Variants in EFHC2 observed in about 807,000 individuals in gnomAD.
EFHC2 encodes the protein EF-hand domain containing 2.
A neutral mutation model predicts 52.7 loss-of-function variants in EFHC2; 18 were observed. That is an observed-to-expected ratio of 0.34 (90% CI 0.24 to 0.51). The LOEUF (loss-of-function observed/expected upper bound fraction) is 0.51. Among genes scored for constraint, EFHC2 ranks in the 20% least tolerant of loss-of-function variants. The probability of loss-of-function intolerance (pLI) is 0.97; values close to 1 mark genes in which losing one functional copy is unlikely to be tolerated. For missense variants in EFHC2, 513 were observed against 562.5 expected, an observed-to-expected ratio of 0.91 and a Z score of 0.89; for synonymous variants, 203 against 204.1, an observed-to-expected ratio of 0.99 and a Z score of 0.04.
intron 1 of EFHC2, among the ~76,000 whole-genome samples, chrX:44,320,219 G>A (rs898867930): frequency 2.6e-4 from 29 of 112,164 alleles, no homozygotes; most frequent in African/African-American, 9.4e-4. Context: ...CTGTGATTAC[G>A]GGCATGAGCC....
Position 44,240,565 on chromosome X carries a change from G to A in EFHC2, c.1280+1556C>T, listed in dbSNP as rs181400309. Among the ~76,000 whole-genome samples the A allele has an allele frequency of 4.5e-5, 5 of 111,701 alleles. No individual in the cohort carries two copies. In the East Asian group the frequency reaches 1.1e-3, roughly 25 times the overall value. On this transcript the variant is annotated intron_variant, in intron 8 of 14. Coordinates refer to ENST00000420999, the MANE Select transcript of EFHC2 (RefSeq NM_025184.4). ...GACATTCTTCCTGCCCGCCTCCTTC[G>A]GGTGGCTGTCCTTAAAAACAGCAGT...
chrX:44,279,714 G>A (rs1317747320), intron 2 of EFHC2, among the ~76,000 whole-genome samples: 1 of 110,408 alleles, frequency 9.1e-6, no homozygotes, highest in Non-Finnish European at 1.9e-5. Flanking sequence ...AGTAAGCAGT[G>A]AAAAAAATTA....
At chrX:44,251,914 T>C (rs1304760939) in intron 4 of EFHC2, among the ~76,000 whole-genome samples, 1 of 111,011 alleles carries the variant, frequency 9.0e-6, no homozygotes, top group Non-Finnish European at 1.9e-5. Flanking sequence ...TTAAGATTTA[T>C]ATGTTTGACT....
At chrX:44,167,976 G>A (rs895228586) in intron 13 of EFHC2, among the ~76,000 whole-genome samples, 1 of 111,523 alleles carries the variant, frequency 9.0e-6, no homozygotes, top group Non-Finnish European at 1.9e-5. Flanking sequence ...CAATGACAAA[G>A]AGAATTGGAA....
rs2147334458 is a variant in EFHC2 at position 44,248,272 on chromosome X, C to T, written c.1111G>A (p.Glu371Lys). Residue 371 changes from glutamate (E) to lysine (K), a missense_variant and splice_region_variant, in exon 7 of 15, where the codon GAG becomes AAG. Physicochemically the swap from Glu to Lys is moderately conservative, Grantham distance 56 (BLOSUM62 1). Transcript: ENST00000420999. Reference protein sequence around the residue: ...KSYYKSKYGIENFTSVSCKPP... With the variant: ...KSYYKSKYGIKNFTSVSCKPP... ...TTTAATTGACATATGTATCACTTAC[C>T]AATTCCATATTTAGACTTATAATAA... 4.4e-6 allele frequency: 5 copies of T among 1,140,828 alleles called. No individual in the cohort carries two copies. The highest frequency in any genetic ancestry group is 4.1e-5 in the South Asian group (2 of 49,230). 94.0% of individuals were successfully genotyped at this position (1,140,828 alleles called of 1,213,427 possible).
chrX:44,244,135 C>T (rs1355810575), intron 7 of EFHC2, among the ~76,000 whole-genome samples: 2 of 112,092 alleles, frequency 1.8e-5, no homozygotes, highest in Non-Finnish European at 3.8e-5. Flanking sequence ...GTTTTCTCAA[C>T]CATATAATTT....
At chrX:44,227,712 A>C (rs1602163740) in intron 11 of EFHC2, among the ~76,000 whole-genome samples, 3 of 111,516 alleles carry the variant, frequency 2.7e-5, no homozygotes, top group South Asian at 7.6e-4. Flanking sequence ...AATAACTGCA[A>C]GTTGTGCTAA....
chrX:44,193,927 C>G (rs73196188), intron 11 of EFHC2, among the ~76,000 whole-genome samples: 7,392 of 111,144 alleles, frequency 0.067, 241 homozygotes, highest in Admixed American at 0.16. Flanking sequence ...AAGCTGGGAG[C>G]CTTGTGCCAA....
intron 2 of EFHC2, among the ~76,000 whole-genome samples, chrX:44,279,494 T>A (rs1233957782): frequency 1.8e-5 from 2 of 111,281 alleles, no homozygotes; most frequent in Admixed American, 1.9e-4. Context: ...ATAGATAAGA[T>A]TTTAGAAAGC....
chrX:44,226,432 T>C (rs1253172314), intron 11 of EFHC2, among the ~76,000 whole-genome samples: 1 of 111,611 alleles, frequency 9.0e-6, no homozygotes, highest in Admixed American at 9.5e-5. Context: ...ACACCTGGTC[T>C]GGACTCTTGG....
chrX:44,174,727 G>A (rs926205813), intron 13 of EFHC2, among the ~76,000 whole-genome samples: 2 of 109,718 alleles, frequency 1.8e-5, no homozygotes, highest in East Asian at 2.9e-4. Flanking sequence ...ACTGGGAACA[G>A]GAAGGGGAGT....
chrX:44,157,975 C>T (rs1253955712), intron 14 of EFHC2, among the ~76,000 whole-genome samples: 1 of 111,315 alleles, frequency 9.0e-6, no homozygotes, highest in Non-Finnish European at 1.9e-5. Flanking sequence ...TCACTATGCT[C>T]ACTGTTTTGG....
At chrX:44,177,904 C>T (rs761778065) in intron 12 of EFHC2, among the ~76,000 whole-genome samples, 161 of 109,289 alleles carry the variant, frequency 1.5e-3, no homozygotes, top group Non-Finnish European at 2.7e-3. Flanking sequence ...TACAGGGCCT[C>T]CCCTATTCCG....
At chrX:44,291,895 G>C (rs1407018624) in intron 2 of EFHC2, among the ~76,000 whole-genome samples, 2 of 112,051 alleles carry the variant, frequency 1.8e-5, no homozygotes, top group African/African-American at 6.5e-5. Context: ...CATCCTTATG[G>C]AGTCTATTGC....
At chrX:44,232,115 C>T (rs780296203) in intron 10 of EFHC2, among the ~76,000 whole-genome samples, 1 of 112,571 alleles carries the variant, frequency 8.9e-6, no homozygotes, top group Non-Finnish European at 1.9e-5. Context: ...TTAACTGGGA[C>T]GGCACAGTGT....
At position 44,250,413 on chromosome X, in the gene EFHC2, G is replaced by A. The variant is rs184915147; in HGVS notation, c.639C>T (p.Tyr213=). Residue 213 remains tyrosine (Y), a synonymous_variant, in exon 5 of 15, where the codon TAC becomes TAT. Transcript: ENST00000420999. ...ACTGTTTCAGGGTGTCGAGGGATTC[G>A]TAGGGACGTAAGGGCTCTACGTGTT... ...VVEHVEPLRP[Y]ESLDTLKQFL... The A allele has an allele frequency of 3.2e-5, 39 of 1,207,266 alleles. No individual in the cohort carries two copies. The East Asian group carries it at 4.2e-4, about 13-fold the overall frequency.
At chrX:44,330,462 T>G (rs2038080081) in intron 1 of EFHC2, among the ~76,000 whole-genome samples, 1 of 111,692 alleles carries the variant, frequency 9.0e-6, no homozygotes, top group Non-Finnish European at 1.9e-5. Flanking sequence ...AAACCACATC[T>G]CAAAGGACTA....
At position 44,259,952 on chromosome X, in the gene EFHC2, T is replaced by C. The variant is rs2037525115; in HGVS notation, c.606+1123A>G. 2.7e-5 allele frequency among the ~76,000 whole-genome samples: 3 copies of C among 111,947 alleles called. No homozygotes were observed. The South Asian group carries it at 1.1e-3, about 42-fold the overall frequency. ...GGGCTGGGAGGCAGGAATAGATGAA[T>C]GATCCTACAAGTGGCTTTTAAAAAG... On this transcript the variant is annotated intron_variant, in intron 4 of 14. Transcript: ENST00000420999.
Position 44,232,551 on chromosome X carries a change from T to G in EFHC2, c.1550A>C (p.Asn517Thr), listed in dbSNP as rs1329973705. The change falls in exon 10 of 15, where the codon AAT becomes ACT. Residue 517 changes from asparagine to threonine, a missense_variant. Asn to Thr is a moderately conservative substitution (Grantham distance 65, BLOSUM62 0). Transcript: ENST00000420999. ...ELYIGVTVNV[N>T]GYLFRLLNAD... ...ATTGAGCAAACGAAATAGGTAACCA[T>G]TCACATTCACCGTGACTCCAATGTA... The G allele has an allele frequency of 8.4e-7, 1 of 1,187,373 alleles. No individual in the cohort carries two copies. The highest frequency in any genetic ancestry group is 1.1e-6 in the Non-Finnish European group (1 of 882,718).
Sources: gnomAD v4.1 joint callset for allele counts (sites outside exome capture counted in the v4.1 genomes callset) on GRCh38, gnomAD v4.1.1 for gene constraint, MANE v1.5 for transcripts, NCBI Gene and HGNC (gene_info 2026-07-23, HGNC 2026-07-21) for gene names.